Variants in MAF observed in about 807,000 individuals in gnomAD.
MAF encodes the protein transcription factor Maf.
In MAF, 10 loss-of-function variants were observed where a neutral mutation model predicts 22.0. The observed-to-expected ratio is 0.45, with a 90% CI of 0.28 to 0.77. The LOEUF (loss-of-function observed/expected upper bound fraction) is 0.77. Among genes scored for constraint, MAF ranks in the 30% least tolerant of loss-of-function variants. The pLI is 0.12. For missense variants in MAF, 544 were observed against 548.4 expected (o/e 0.99, Z 0.08); for synonymous variants, 337 against 255.8 (o/e 1.32, Z -3.03).
the MAF span, among the ~76,000 whole-genome samples, chr16:79,570,417 G>C: frequency 6.6e-6 from 1 of 151,962 alleles, no homozygotes; most frequent in Non-Finnish European, 1.5e-5. Flanking sequence ...TATAGCCCTG[G>C]AGCATCCTAT....
the MAF span, among the ~76,000 whole-genome samples, chr16:79,215,090 A>T: frequency 1.3e-5 from 2 of 152,152 alleles, no homozygotes; most frequent in African/African-American, 4.8e-5. Context: ...AGCTGAGGCC[A>T]AGAAGTGTCA....
the MAF span, among the ~76,000 whole-genome samples, chr16:79,421,094 C>A: frequency 5.9e-5 from 9 of 151,810 alleles, no homozygotes; most frequent in African/African-American, 2.2e-4. Context: ...TATAACTGTT[C>A]TATTTTATTA....
At chr16:79,317,432 TTCCC>T in the MAF span, among the ~76,000 whole-genome samples, 6 of 131,850 alleles carry the variant, frequency 4.6e-5, no homozygotes, top group Non-Finnish European at 6.6e-5. Context: ...TCTCCCTTTC[TTCCC>T]TCCCTCCCTC....
chr16:79,562,035 A>G, the MAF span, among the ~76,000 whole-genome samples: 27 of 152,264 alleles, frequency 1.8e-4, no homozygotes, highest in East Asian at 1.2e-3. Flanking sequence ...CTGGGCAGCT[A>G]TTACCTCTTG....
chr16:79,405,986 G>T, the MAF span, among the ~76,000 whole-genome samples: 1 of 152,180 alleles, frequency 6.6e-6, no homozygotes, highest in Non-Finnish European at 1.5e-5. Flanking sequence ...CTCTGTTCAT[G>T]GGTGTAGCAG....
chr16:79,338,016 G>C, the MAF span, among the ~76,000 whole-genome samples: 2 of 152,178 alleles, frequency 1.3e-5, no homozygotes, highest in Non-Finnish European at 2.9e-5. Flanking sequence ...CTAGGCACTT[G>C]GGAGATGGAA....
At chr16:79,317,253 CTTCT>C in the MAF span, among the ~76,000 whole-genome samples, 2 of 147,962 alleles carry the variant, frequency 1.4e-5, no homozygotes, top group Middle Eastern at 3.7e-3. Flanking sequence ...TCCTTCCTTC[CTTCT>C]TTCCTTCCTT....
chr16:79,342,941 G>A, the MAF span, among the ~76,000 whole-genome samples: 1 of 151,926 alleles, frequency 6.6e-6, no homozygotes, highest in South Asian at 2.1e-4. Context: ...TTAATTGCTT[G>A]AAAAAAGGAA....
chr16:79,595,916 G>C, intron 1 of MAF: 1 of 1,059,204 alleles, frequency 9.4e-7, no homozygotes, highest in South Asian at 4.6e-5. Flanking sequence ...ATGATCTTCA[G>C]TGTTAAAGAG....
At chr16:79,425,457 A>G in the MAF span, among the ~76,000 whole-genome samples, 1 of 152,236 alleles carries the variant, frequency 6.6e-6, no homozygotes, top group African/African-American at 2.4e-5. Context: ...CTCAGTGTTC[A>G]GGGCAGGAGG....
chr16:79,451,700 GAA>G, the MAF span, among the ~76,000 whole-genome samples: 4 of 151,804 alleles, frequency 2.6e-5, no homozygotes, highest in African/African-American at 9.7e-5. Context: ...TATGCTCATT[GAA>G]AAAAAATACC....
At chr16:79,454,432 A>C in the MAF span, among the ~76,000 whole-genome samples, 1 of 152,202 alleles carries the variant, frequency 6.6e-6, no homozygotes, top group Non-Finnish European at 1.5e-5. Context: ...ATTGGTCTTG[A>C]TTACTTGTCA....
At chr16:79,594,676 A>C in intron 1 of MAF, 123 bp from the exon 2 acceptor site, 3 of 1,505,156 alleles carry the variant, frequency 2.0e-6, no homozygotes, top group South Asian at 1.3e-5. Flanking sequence ...TATTGTAATG[A>C]ATGGCACTTA....
chr16:79,277,724 C>T, the MAF span, among the ~76,000 whole-genome samples: 1 of 152,216 alleles, frequency 6.6e-6, no homozygotes, highest in African/African-American at 2.4e-5. Context: ...TCCCCCTGAG[C>T]TTCTATGTGT....
At chr16:79,523,428 CAT>C in the MAF span, among the ~76,000 whole-genome samples, 12 of 152,038 alleles carry the variant, frequency 7.9e-5, no homozygotes, top group African/African-American at 2.2e-4. Context: ...AACTTTCACA[CAT>C]GTTACTTATT....
chr16:79,333,141 C>T, the MAF span, among the ~76,000 whole-genome samples: 1 of 152,128 alleles, frequency 6.6e-6, no homozygotes, highest in Non-Finnish European at 1.5e-5. Context: ...TCTGGATTTC[C>T]CATCTCAGCG....
chr16:79,514,183 T>A, the MAF span, among the ~76,000 whole-genome samples: 68 of 152,350 alleles, frequency 4.5e-4, no homozygotes, highest in East Asian at 0.012. Flanking sequence ...TTCCGGCTTG[T>A]TGGAGAAAAG....
chr16:79,366,444 T>C, the MAF span, among the ~76,000 whole-genome samples: 16 of 152,334 alleles, frequency 1.1e-4, no homozygotes, highest in African/African-American at 3.6e-4. Context: ...AAGTCTTAGT[T>C]TCATTAGTAA....
chr16:79,346,724 T>C, the MAF span, among the ~76,000 whole-genome samples: 2 of 152,204 alleles, frequency 1.3e-5, no homozygotes, highest in African/African-American at 4.8e-5. Flanking sequence ...TTCATAGTTA[T>C]ACTGCATATT....
Sources: allele counts gnomAD v4.1 joint callset (sites outside exome capture counted in the v4.1 genomes callset), GRCh38; gene constraint gnomAD v4.1.1; transcripts MANE v1.5; gene names NCBI Gene and HGNC (gene_info 2026-07-23, HGNC 2026-07-21).